Variants in CSMD1 observed in about 807,000 individuals in gnomAD.
CSMD1 encodes CUB and Sushi multiple domains 1, also known as CUB and sushi domain-containing protein 1.
A neutral mutation model predicts 417.5 loss-of-function variants in CSMD1; 213 were observed. That is an observed-to-expected ratio of 0.51 (90% CI 0.46 to 0.57). CSMD1 has a LOEUF of 0.57. Among genes scored for constraint, CSMD1 ranks in the 20% least tolerant of loss-of-function variants. The pLI is 0.00. For synonymous variants in CSMD1, 2,862 were observed against 1,736.8 expected (o/e 1.65, Z -16.11); for missense variants, 6,923 against 4,529.7 (o/e 1.53, Z -15.17).
At chr8:3,725,047 G>A (rs535384758) in intron 6 of CSMD1, among the ~76,000 whole-genome samples, 2 of 152,312 alleles carry the variant, frequency 1.3e-5, no homozygotes, top group East Asian at 1.9e-4. Flanking sequence ...AACCTCTCCA[G>A]ACGACTAGAG....
chr8:2,959,337 G>A (rs942265535), intron 62 of CSMD1, among the ~76,000 whole-genome samples: 1 of 152,136 alleles, frequency 6.6e-6, no homozygotes, highest in Non-Finnish European at 1.5e-5. Flanking sequence ...GGCCTCAAGC[G>A]ATTCTTCTGC....
intron 3 of CSMD1, among the ~76,000 whole-genome samples, chr8:4,232,056 T>A (rs755109801): frequency 6.6e-6 from 1 of 152,250 alleles, no homozygotes; most frequent in Non-Finnish European, 1.5e-5. Flanking sequence ...TATGAGGTGT[T>A]AGAAGAGCGA....
At chr8:4,440,464 A>G (rs558931422) in intron 2 of CSMD1, among the ~76,000 whole-genome samples, 1 of 152,264 alleles carries the variant, frequency 6.6e-6, no homozygotes, top group South Asian at 2.1e-4. Context: ...CTTGTTACTC[A>G]CAAAAAAAAA....
intron 1 of CSMD1, among the ~76,000 whole-genome samples, chr8:4,668,759 C>A (rs1383741986): frequency 2.0e-5 from 3 of 152,064 alleles, no homozygotes; most frequent in Admixed American, 2.0e-4. Context: ...AGATAGTTTT[C>A]CATTTCCAGT....
chr8:4,280,277 C>A (rs932574100), intron 3 of CSMD1, among the ~76,000 whole-genome samples: 1 of 152,082 alleles, frequency 6.6e-6, no homozygotes, highest in Admixed American at 6.6e-5. Flanking sequence ...GATATTAGCA[C>A]GTTTTTATAA....
At chr8:3,127,889 A>C (rs1210380679) in intron 41 of CSMD1, 1 of 137,404 alleles carries the variant, frequency 7.3e-6, no homozygotes, top group African/African-American at 2.7e-5. Flanking sequence ...AGAGGGAGGG[A>C]GGGAGGAATG....
intron 5 of CSMD1, among the ~76,000 whole-genome samples, chr8:3,936,731 T>C (rs1810525502): frequency 1.3e-5 from 2 of 152,210 alleles, no homozygotes; most frequent in Admixed American, 1.3e-4. Flanking sequence ...TTTTCATGCT[T>C]GTTAACACAA....
chr8:3,784,963 T>C (rs560599429), intron 5 of CSMD1, among the ~76,000 whole-genome samples: 1 of 152,336 alleles, frequency 6.6e-6, no homozygotes, highest in East Asian at 1.9e-4. Context: ...AGAATTTAAT[T>C]TTATCATTCT....
At chr8:3,550,419 C>T (rs922410343) in intron 10 of CSMD1, among the ~76,000 whole-genome samples, 20 of 152,196 alleles carry the variant, frequency 1.3e-4, no homozygotes, top group African/African-American at 4.6e-4. Flanking sequence ...CATGGCTCAG[C>T]AGACAGCCCT....
At chr8:3,347,258 C>T (rs1037461764) in intron 22 of CSMD1, among the ~76,000 whole-genome samples, 3 of 152,204 alleles carry the variant, frequency 2.0e-5, no homozygotes, top group Non-Finnish European at 4.4e-5. Context: ...GGCTAGGTTG[C>T]CCATTCTCCA....
At chr8:3,206,365 T>C (rs1292686203) in intron 30 of CSMD1, among the ~76,000 whole-genome samples, 1 of 123,368 alleles carries the variant, frequency 8.1e-6, no homozygotes, top group Non-Finnish European at 1.7e-5. Context: ...TATGTGTGTA[T>C]TGGGGGTATG....
At chr8:3,785,698 G>C (rs1799420459) in intron 5 of CSMD1, among the ~76,000 whole-genome samples, 1 of 152,178 alleles carries the variant, frequency 6.6e-6, no homozygotes, top group Admixed American at 6.5e-5. Flanking sequence ...GCATGGAGGA[G>C]CCACGTGCTA....
intron 52 of CSMD1, among the ~76,000 whole-genome samples, chr8:3,010,907 T>C (rs1808336146): frequency 6.6e-6 from 1 of 151,926 alleles, no homozygotes; most frequent in Non-Finnish European, 1.5e-5. Context: ...TTATGTCCAG[T>C]AGTAGAGATG....
At chr8:4,612,473 G>A (rs1321230663) in intron 2 of CSMD1, among the ~76,000 whole-genome samples, 1 of 152,170 alleles carries the variant, frequency 6.6e-6, no homozygotes, top group Non-Finnish European at 1.5e-5. Context: ...CAAGAACTCT[G>A]AGGTCACATG....
At chr8:3,309,022 C>A (rs1473749919) in intron 23 of CSMD1, among the ~76,000 whole-genome samples, 1 of 152,142 alleles carries the variant, frequency 6.6e-6, no homozygotes, top group African/African-American at 2.4e-5. Flanking sequence ...CTGCGCCCGG[C>A]CCCTCAAGCT....
intron 1 of CSMD1, among the ~76,000 whole-genome samples, chr8:4,717,596 A>G (rs1255336466): frequency 6.6e-6 from 1 of 150,774 alleles, no homozygotes; most frequent in African/African-American, 2.4e-5. Context: ...ACATCCATCC[A>G]TCCATCCACA....
chr8:4,028,993 C>G (rs759129801), intron 4 of CSMD1, among the ~76,000 whole-genome samples: 84 of 152,144 alleles, frequency 5.5e-4, no homozygotes, highest in Non-Finnish European at 1.0e-3. Flanking sequence ...TCTCATCTTG[C>G]TCTGAAATAT....
At chr8:3,906,075 C>T (rs563208956) in intron 5 of CSMD1, among the ~76,000 whole-genome samples, 1 of 152,244 alleles carries the variant, frequency 6.6e-6, no homozygotes, top group African/African-American at 2.4e-5. Flanking sequence ...CACAGACATG[C>T]TCTCTCTTTC....
intron 2 of CSMD1, among the ~76,000 whole-genome samples, chr8:4,518,655 T>C (rs151166382): frequency 0.047 from 7,003 of 149,400 alleles, 259 homozygotes; most frequent in Admixed American, 0.14. Flanking sequence ...TTAGGAGATA[T>C]ACCTAATGCT....
Sources: gnomAD v4.1 joint callset for allele counts (sites outside exome capture counted in the v4.1 genomes callset) on GRCh38, gnomAD v4.1.1 for gene constraint, MANE v1.5 for transcripts, NCBI Gene and HGNC (gene_info 2026-07-23, HGNC 2026-07-21) for gene names.